Variants in NCALD observed in about 807,000 individuals in gnomAD.
The protein encoded by NCALD is neurocalcin-delta.
A neutral mutation model predicts 18.6 loss-of-function variants in NCALD; 10 were observed. The ratio of observed to expected loss-of-function variants is 0.54; its 90% confidence interval spans 0.33 to 0.91. The LOEUF (loss-of-function observed/expected upper bound fraction) is 0.91. NCALD is among the 40% of genes least tolerant of loss of function. NCALD has a pLI of 0.03. For missense variants in NCALD, 184 were observed against 247.6 expected (o/e 0.74, Z 1.72); for synonymous variants, 88 against 87.4 (o/e 1.01, Z -0.04).
At chr8:101,842,209 A>G (rs1366131734) in intron 4 of NCALD, among the ~76,000 whole-genome samples, 4 of 152,174 alleles carry the variant, frequency 2.6e-5, no homozygotes, top group Non-Finnish European at 5.9e-5. Context: ...GGCCCACCCT[A>G]ATGACCTCAT....
At chr8:101,868,291 G>T (rs1815858696) in intron 4 of NCALD, among the ~76,000 whole-genome samples, 1 of 151,948 alleles carries the variant, frequency 6.6e-6, no homozygotes, top group African/African-American at 2.4e-5. Context: ...CCCACACTGA[G>T]CTCGCACTGA....
At chr8:101,721,854 CTTTT>C (rs112131848) in intron 1 of NCALD, among the ~76,000 whole-genome samples, 1 of 141,062 alleles carries the variant, frequency 7.1e-6, no homozygotes, top group Non-Finnish European at 1.6e-5. Context: ...TTCCCCCTGC[CTTTT>C]TTTTTTTTTT....
intron 3 of NCALD, among the ~76,000 whole-genome samples, chr8:101,889,873 G>C (rs1352297135): frequency 1.3e-5 from 2 of 152,076 alleles, no homozygotes; most frequent in Non-Finnish European, 2.9e-5. Flanking sequence ...TAATTCCAGA[G>C]GAATTAAAGA....
intron 2 of NCALD, among the ~76,000 whole-genome samples, chr8:101,698,472 A>C (rs1398242618): frequency 1.3e-5 from 2 of 152,382 alleles, no homozygotes; most frequent in African/African-American, 4.8e-5. Context: ...CTGTATAGCC[A>C]AGACAATCGT....
chr8:101,987,264 G>C (rs1415514110), intron 2 of NCALD, among the ~76,000 whole-genome samples: 2 of 152,180 alleles, frequency 1.3e-5, no homozygotes, highest in Admixed American at 6.5e-5. Flanking sequence ...ACTAGCAGCA[G>C]TGTTTCAAAG....
At chr8:102,089,418 A>T (rs185465322) in intron 1 of NCALD, among the ~76,000 whole-genome samples, 1 of 152,076 alleles carries the variant, frequency 6.6e-6, no homozygotes, top group East Asian at 1.9e-4. Context: ...AAAGAAAGAA[A>T]AAAAGAAAAG....
intron 1 of NCALD, among the ~76,000 whole-genome samples, chr8:101,740,768 G>T (rs990998078): frequency 1.3e-5 from 2 of 152,196 alleles, no homozygotes. Context: ...CTGTGTGCCA[G>T]TAGGCAAACC....
At chr8:101,864,737 G>A (rs867754401) in intron 4 of NCALD, among the ~76,000 whole-genome samples, 27 of 152,126 alleles carry the variant, frequency 1.8e-4, no homozygotes, top group African/African-American at 6.5e-4. Flanking sequence ...TGGAATTACA[G>A]GTGCCCAACA....
intron 1 of NCALD, among the ~76,000 whole-genome samples, chr8:102,104,487 T>C (rs2132425751): frequency 6.6e-6 from 1 of 152,180 alleles, no homozygotes; most frequent in African/African-American, 2.4e-5. Context: ...TATCATCATC[T>C]TTCAGAATTA....
chr8:101,708,461 G>A (rs1467449998), intron 2 of NCALD, among the ~76,000 whole-genome samples: 1 of 152,176 alleles, frequency 6.6e-6, no homozygotes, highest in Non-Finnish European at 1.5e-5. Flanking sequence ...TTTCTCCATT[G>A]AAGTGGAAGT....
chr8:101,749,142 A>G (rs546789622), intron 1 of NCALD, among the ~76,000 whole-genome samples: 82 of 152,370 alleles, frequency 5.4e-4, no homozygotes, highest in South Asian at 2.7e-3. Context: ...ATTTCTAACC[A>G]GGGTTCCACA....
At chr8:101,846,581 A>G (rs1814877202) in intron 4 of NCALD, among the ~76,000 whole-genome samples, 1 of 152,120 alleles carries the variant, frequency 6.6e-6, no homozygotes, top group Non-Finnish European at 1.5e-5. Context: ...CTTTGTAAAG[A>G]TTATCTAGTG....
At chr8:101,713,066 TAACA>T (rs747814882) in intron 2 of NCALD, among the ~76,000 whole-genome samples, 2 of 151,992 alleles carry the variant, frequency 1.3e-5, no homozygotes, top group Non-Finnish European at 2.9e-5. Context: ...ATGGAAATCA[TAACA>T]AACAGTCTCT....
At chr8:102,072,589 G>A (rs1274924633) in intron 1 of NCALD, among the ~76,000 whole-genome samples, 6 of 152,048 alleles carry the variant, frequency 3.9e-5, no homozygotes, top group Non-Finnish European at 8.8e-5. Flanking sequence ...AGAGAGAGCA[G>A]ACAGATGGAA....
chr8:101,879,588 G>T (rs575531070), intron 4 of NCALD, among the ~76,000 whole-genome samples: 3 of 152,134 alleles, frequency 2.0e-5, no homozygotes, highest in African/African-American at 7.2e-5. Context: ...GGGTTACAAC[G>T]GCTAGCTGGG....
chr8:101,986,122 C>G (rs1820800347), intron 2 of NCALD, among the ~76,000 whole-genome samples: 1 of 152,118 alleles, frequency 6.6e-6, no homozygotes, highest in South Asian at 2.1e-4. Context: ...CCTCCGCCTC[C>G]CAGGTTCAAG....
At chr8:101,880,262 G>A (rs995496287) in intron 4 of NCALD, among the ~76,000 whole-genome samples, 4 of 152,128 alleles carry the variant, frequency 2.6e-5, no homozygotes, top group Admixed American at 1.3e-4. Flanking sequence ...CTTACTGCCC[G>A]GGGCCAGCAG....
At chr8:101,868,392 G>A (rs555844282) in intron 4 of NCALD, among the ~76,000 whole-genome samples, 52 of 152,044 alleles carry the variant, frequency 3.4e-4, no homozygotes, top group Admixed American at 1.2e-3. Context: ...GAATAGGGTC[G>A]GAAGGCAGGA....
At chr8:101,867,777 A>T (rs1290361944) in intron 4 of NCALD, among the ~76,000 whole-genome samples, 1 of 152,174 alleles carries the variant, frequency 6.6e-6, no homozygotes, top group Non-Finnish European at 1.5e-5. Flanking sequence ...TGACATAATT[A>T]GGGATGAATT....
Sources: gnomAD v4.1 joint callset for allele counts (sites outside exome capture counted in the v4.1 genomes callset) on GRCh38, gnomAD v4.1.1 for gene constraint, MANE v1.5 for transcripts, NCBI Gene and HGNC (gene_info 2026-07-23, HGNC 2026-07-21) for gene names.